RHBDL3: variants seen among roughly 807,000 people sequenced by gnomAD.
RHBDL3 encodes the protein rhomboid-related protein 3.
RHBDL3 carries 28 observed loss-of-function variants against 48.2 expected under a neutral mutation model. That is an observed-to-expected ratio of 0.58 (90% CI 0.43 to 0.80). RHBDL3 has a LOEUF of 0.80. Ranked by LOEUF, RHBDL3 falls within the 30% of genes least tolerant of loss-of-function variation. The pLI is 0.00. For missense variants in RHBDL3, 464 were observed against 542.7 expected, an observed-to-expected ratio of 0.85 and a Z score of 1.44; for synonymous variants, 208 against 232.3, an observed-to-expected ratio of 0.90 and a Z score of 0.95.
At chr17:32,287,155 T>A (rs866638629) in intron 3 of RHBDL3, among the ~76,000 whole-genome samples, 4 of 152,314 alleles carry the variant, frequency 2.6e-5, no homozygotes, top group South Asian at 2.1e-4. Context: ...CCTGGGACCA[T>A]GGTCATGGAC....
At chr17:32,271,409 G>A (rs1248881820) in intron 2 of RHBDL3, among the ~76,000 whole-genome samples, 7 of 152,132 alleles carry the variant, frequency 4.6e-5, no homozygotes, top group East Asian at 1.9e-4. Context: ...TTTAGTTATC[G>A]CTTTACATCT....
At chr17:32,273,311 C>T (rs1294590568) in intron 2 of RHBDL3, among the ~76,000 whole-genome samples, 1 of 152,210 alleles carries the variant, frequency 6.6e-6, no homozygotes, top group African/African-American at 2.4e-5. Flanking sequence ...CCAGTCCGCT[C>T]ATTTTGCAAA....
At chr17:32,266,637 TC>T (rs1461801783) in intron 1 of RHBDL3, among the ~76,000 whole-genome samples, 4 of 151,902 alleles carry the variant, frequency 2.6e-5, no homozygotes, top group Admixed American at 2.6e-4. Flanking sequence ...CGGCGGTGAC[TC>T]CCCCTCCCCT....
intron 6 of RHBDL3, among the ~76,000 whole-genome samples, chr17:32,299,225 T>C (rs927832280): frequency 1.3e-5 from 2 of 152,144 alleles, no homozygotes; most frequent in African/African-American, 4.8e-5. Context: ...GCAGGGACCC[T>C]GGGAGTAACT....
intron 3 of RHBDL3, among the ~76,000 whole-genome samples, chr17:32,287,732 A>G (rs2040230691): frequency 1.3e-5 from 2 of 152,142 alleles, no homozygotes; most frequent in Non-Finnish European, 2.9e-5. Context: ...CTGGGCCTAG[A>G]GTCCCAGGAA....
intron 2 of RHBDL3, among the ~76,000 whole-genome samples, chr17:32,272,353 T>TC (rs1005981218): frequency 1.3e-4 from 19 of 151,996 alleles, no homozygotes; most frequent in African/African-American, 4.4e-4. Context: ...TCATTTGTAG[T>TC]CCCCCCTGCA....
intron 2 of RHBDL3, among the ~76,000 whole-genome samples, chr17:32,268,910 G>A (rs1225107381): frequency 6.6e-6 from 1 of 152,166 alleles, no homozygotes; most frequent in Non-Finnish European, 1.5e-5. Context: ...GGCAGGAGCT[G>A]CAGCACTGAA....
At chr17:32,269,941 C>G (rs369807453) in intron 2 of RHBDL3, among the ~76,000 whole-genome samples, 2 of 151,904 alleles carry the variant, frequency 1.3e-5, no homozygotes, top group African/African-American at 4.8e-5. Context: ...TCTATTAAAT[C>G]GAATTTTTCC....
Position 32,268,431 on chromosome 17 carries a change from G to T in RHBDL3, c.135+506G>T, listed in dbSNP as rs376133930. On this transcript the variant is annotated intron_variant, in intron 2 of 8. Coordinates refer to ENST00000269051, the MANE Select transcript of RHBDL3 (RefSeq NM_138328.3). ...CATAGGGATGAGGGAGTGCTGGGAG[G>T]TTACAGAGGGGAAATTGTGTGTGAT... 9.8e-5 allele frequency among the ~76,000 whole-genome samples: 15 copies of T among 152,296 alleles called. No individual in the cohort carries two copies. In the East Asian group the frequency reaches 2.1e-3, roughly 22 times the overall value.
chr17:32,303,835 C>A (rs2040645175), intron 6 of RHBDL3, among the ~76,000 whole-genome samples: 1 of 151,932 alleles, frequency 6.6e-6, no homozygotes, highest in Admixed American at 6.6e-5. Context: ...TGGGCTGGGC[C>A]CAGCCTCCTC....
chr17:32,317,064 G>C (rs1042146982), intron 8 of RHBDL3, among the ~76,000 whole-genome samples: 4 of 151,774 alleles, frequency 2.6e-5, no homozygotes, highest in African/African-American at 9.7e-5. Context: ...GTAAAGACGG[G>C]GTTTCACCAT....
chr17:32,278,493 C>T (rs530971262), intron 2 of RHBDL3, among the ~76,000 whole-genome samples: 4 of 152,272 alleles, frequency 2.6e-5, no homozygotes, highest in South Asian at 4.1e-4. Flanking sequence ...CCCCATAAAA[C>T]GAGTGGGATG....
chr17:32,307,825 G>A (rs912370881), intron 7 of RHBDL3, among the ~76,000 whole-genome samples: 2 of 151,964 alleles, frequency 1.3e-5, no homozygotes, highest in African/African-American at 4.8e-5. Context: ...TCTGAATTCT[G>A]CCTCCTCCAC....
chr17:32,316,207 T>A, intron 7 of RHBDL3, 25 bp from the exon 8 acceptor site: 1 of 1,590,762 alleles, frequency 6.3e-7, no homozygotes, highest in Non-Finnish European at 8.6e-7. Flanking sequence ...AATCTGGAAC[T>A]GACTGAGCTC....
At chr17:32,291,238 C>T (rs941576212) in intron 4 of RHBDL3, among the ~76,000 whole-genome samples, 2 of 151,562 alleles carry the variant, frequency 1.3e-5, no homozygotes, top group East Asian at 3.9e-4. Flanking sequence ...GAGGCTGAGG[C>T]AGGAGAATTG....
chr17:32,290,495 C>T (rs1333530015), intron 4 of RHBDL3, among the ~76,000 whole-genome samples: 4 of 152,102 alleles, frequency 2.6e-5, no homozygotes, highest in East Asian at 1.9e-4. Context: ...ATAACGATCT[C>T]GAAGCCCTGG....
intron 6 of RHBDL3, among the ~76,000 whole-genome samples, chr17:32,302,381 A>G (rs2040603604): frequency 1.3e-5 from 2 of 151,874 alleles, no homozygotes; most frequent in African/African-American, 4.8e-5. Context: ...TTTTGAGACG[A>G]AGTCTTGCTC....
At chr17:32,296,315 G>C (rs1157041197) in intron 5 of RHBDL3, among the ~76,000 whole-genome samples, 8 of 147,334 alleles carry the variant, frequency 5.4e-5, no homozygotes, top group Non-Finnish European at 1.2e-4. Flanking sequence ...TGAGGGTTTT[G>C]GAGCAGAATA....
At chr17:32,310,823 G>C (rs1279897366) in intron 7 of RHBDL3, among the ~76,000 whole-genome samples, 1 of 149,664 alleles carries the variant, frequency 6.7e-6, no homozygotes, top group African/African-American at 2.5e-5. Context: ...GGCAGAGCTT[G>C]CAGTGAGCCG....
Sources: gnomAD v4.1 joint callset for allele counts (sites outside exome capture counted in the v4.1 genomes callset) on GRCh38, gnomAD v4.1.1 for gene constraint, MANE v1.5 for transcripts, NCBI Gene and HGNC (gene_info 2026-07-23, HGNC 2026-07-21) for gene names.